IL17REL: variants seen among roughly 807,000 people sequenced by gnomAD.
IL17REL encodes the protein interleukin-17 receptor E-like protein.
A neutral mutation model predicts 49.0 loss-of-function variants in IL17REL; 36 were observed. The observed-to-expected ratio is 0.73, with a 90% confidence interval of 0.56 to 0.97. IL17REL has a LOEUF of 0.97. Among genes scored for constraint, IL17REL ranks in the 50% least tolerant of loss-of-function variants. The pLI is 0.00. For synonymous variants in IL17REL, 206 were observed against 192.4 expected, an observed-to-expected ratio of 1.07 and a Z score of -0.58; for missense variants, 470 against 453.9, an observed-to-expected ratio of 1.04 and a Z score of -0.32.
intron 1 of IL17REL, among the ~76,000 whole-genome samples, chr22:50,006,029 C>A (rs897016195): frequency 6.6e-6 from 1 of 151,760 alleles, no homozygotes; most frequent in Non-Finnish European, 1.5e-5. Context: ...GAAAGCAGGG[C>A]GTAGGAGGTT....
At chr22:49,999,215 G>A in intron 7 of IL17REL, 76 bp downstream of exon 9, 4 of 1,540,622 alleles carry the variant, frequency 2.6e-6, no homozygotes, top group Non-Finnish European at 3.6e-6. Context: ...ATCCCCCCAC[G>A]TCAGTCCTCA....
At chr22:49,998,642 G>A (rs1437578566) in intron 7 of IL17REL, among the ~76,000 whole-genome samples, 1 of 150,048 alleles carries the variant, frequency 6.7e-6, no homozygotes, top group East Asian at 2.0e-4. Context: ...GAGTGTGCCT[G>A]CCTGTGCATG....
At chr22:49,994,537 C>G (rs2061022699) in exon 13 of IL17REL, 1 of 152,400 alleles carries the variant, frequency 6.6e-6, no homozygotes, top group African/African-American at 2.4e-5. Flanking sequence ...ACCCCTGGAC[C>G]AATGTTTACT....
chr22:50,001,269 T>A, intron 1 of IL17REL, 38 bp from the exon 3 acceptor site: 3 of 891,076 alleles, frequency 3.4e-6, no homozygotes, highest in Non-Finnish European at 3.6e-6. Context: ...TCGAGTTCCC[T>A]GGTGCTCGGA....
At chr22:49,998,357 C>T (rs779032245) in intron 7 of IL17REL, 48 bp from the exon 10 acceptor site, 18 of 1,543,290 alleles carry the variant, frequency 1.2e-5, no homozygotes, top group Middle Eastern at 1.7e-4. Context: ...CCTACCCTGG[C>T]TGCCAGGCCC....
intron 1 of IL17REL, among the ~76,000 whole-genome samples, chr22:50,005,816 G>A (rs1408053336): frequency 9.2e-6 from 1 of 108,686 alleles, no homozygotes; most frequent in Non-Finnish European, 1.9e-5. Context: ...CTACCCCCCA[G>A]AAAATAAAAA....
At chr22:50,007,619 T>A (rs543226033) in intron 1 of IL17REL, among the ~76,000 whole-genome samples, 1 of 152,082 alleles carries the variant, frequency 6.6e-6, no homozygotes, top group South Asian at 2.1e-4. Context: ...CGTCAGGTGA[T>A]CCACCTGCCT....
At chr22:49,999,493 T>C (rs1306009735) in exon 6 of IL17REL, 4 of 1,481,014 alleles carry the variant, frequency 2.7e-6, no homozygotes, top group Non-Finnish European at 3.6e-6. Context: ...GAGACGCTGT[T>C]GGCGGTCACC....
In IL17REL at chr22:49,997,486, G is replaced by A. The variant is rs1239445834; in HGVS notation, c.878-70C>T. Reference sequence around the variant, plus strand: ...AGGCTGGATGGTCATTTTCCAGGCTGTGGGGAGTGAAGGGTGAGACCCCCA... The same window carrying A: ...AGGCTGGATGGTCATTTTCCAGGCTATGGGGAGTGAAGGGTGAGACCCCCA... On this transcript the variant is annotated intron_variant, in intron 10 of 12. Coordinates refer to ENST00000341280, the Ensembl canonical transcript of IL17REL. The A allele has an allele frequency of 6.7e-7, 1 of 1,501,796 alleles. No homozygotes were observed. Among genetic ancestry groups the A allele is most frequent in the Non-Finnish European group, 9.2e-7 (1 of 1,090,888 alleles). The allele number at this position is 1,501,796 out of a possible 1,614,324, so 93.0% of individuals were successfully genotyped here.
upstream of IL17REL, among the ~76,000 whole-genome samples, chr22:50,011,040 C>T (rs2061138484): frequency 1.3e-5 from 2 of 151,706 alleles, no homozygotes; most frequent in African/African-American, 4.8e-5. Context: ...CCAGCCTCCC[C>T]TCCCTGGCTT....
intron 7 of IL17REL, among the ~76,000 whole-genome samples, chr22:49,998,745 GCA>G (rs2061053887): frequency 6.7e-6 from 1 of 150,204 alleles, no homozygotes; most frequent in African/African-American, 2.5e-5. Context: ...GTGTGTATGT[GCA>G]TGGGTGCGTG....
downstream of IL17REL, among the ~76,000 whole-genome samples, chr22:49,993,328 A>T (rs550866799): frequency 6.4e-4 from 98 of 152,282 alleles, no homozygotes; most frequent in Non-Finnish European, 1.3e-3. This position sits in a 1 kb window ranked among gnomAD's most constrained non-coding sequence, Gnocchi z 6.0. Flanking sequence ...ACCCCAGTAC[A>T]GGTGCTCCTG....
intron 1 of IL17REL, among the ~76,000 whole-genome samples, chr22:50,005,870 C>T (rs1439908294): frequency 6.6e-6 from 1 of 152,032 alleles, no homozygotes; most frequent in African/African-American, 2.4e-5. Flanking sequence ...CCTGGGACTA[C>T]ACTTCCCTCA....
At chr22:49,997,794 G>A (rs1569208128) in intron 9 of IL17REL, 52 bp from the exon 12 acceptor site, 2 of 1,565,424 alleles carry the variant, frequency 1.3e-6, no homozygotes, top group Non-Finnish European at 1.8e-6. Context: ...TGAGGCAGGG[G>A]CAGGGACAGG....
exon 3 of IL17REL, chr22:50,000,763 C>A (rs1236438870): frequency 2.5e-6 from 4 of 1,590,210 alleles, no homozygotes; most frequent in African/African-American, 2.7e-5. Flanking sequence ...CCTGCTGCCC[C>A]CCCTGCTGCC....
At chr22:50,011,917 AG>A (rs2061143409), upstream of IL17REL, among the ~76,000 whole-genome samples, 1 of 152,244 alleles carries the variant, frequency 6.6e-6, no homozygotes. Context: ...CGGTGCACCC[AG>A]CAGGTCCTCA....
intron 1 of IL17REL, among the ~76,000 whole-genome samples, chr22:50,006,448 A>AC (rs2061110948): frequency 6.6e-6 from 1 of 152,048 alleles, no homozygotes; most frequent in South Asian, 2.1e-4. Flanking sequence ...AAACAAGCAC[A>AC]CCAGGAAGCA....
At chr22:50,004,113 CTG>C (rs1172875526) in intron 1 of IL17REL, among the ~76,000 whole-genome samples, 1 of 152,150 alleles carries the variant, frequency 6.6e-6, no homozygotes, top group Non-Finnish European at 1.5e-5. Flanking sequence ...GAGCCTCACT[CTG>C]TTGCCCAGGC....
intron 2 of IL17REL, 89 bp from the exon 4 acceptor site, chr22:50,000,952 C>A: frequency 7.7e-7 from 1 of 1,298,156 alleles, no homozygotes; most frequent in Non-Finnish European, 1.1e-6. Context: ...CCTCTGCCTT[C>A]TCTCTGTGAA....
Sources: gnomAD v4.1 joint callset for allele counts (sites outside exome capture counted in the v4.1 genomes callset) on GRCh38, gnomAD v4.1.1 for gene constraint, Gnocchi (gnomAD v3.1) non-coding constraint, MANE v1.5 for transcripts, NCBI Gene and HGNC (gene_info 2026-07-23, HGNC 2026-07-21) for gene names.